The following ATL1 variants were observed in gnomAD, a reference collection of about 807,000 sequenced individuals.
The protein encoded by ATL1 is atlastin GTPase 1.
ATL1 carries 31 observed loss-of-function variants against 75.5 expected under a neutral mutation model. The observed-to-expected ratio is 0.41, with a 90% CI of 0.31 to 0.55. ATL1 has a LOEUF of 0.55. Ranked by LOEUF, ATL1 falls within the 20% of genes least tolerant of loss-of-function variation. ATL1 has a pLI of 0.27. For synonymous variants in ATL1, 226 were observed against 233.3 expected (o/e 0.97, Z 0.28); for missense variants, 405 against 662.6 (o/e 0.61, Z 4.27).
At chr14:50,533,873 A>G (rs1313456253) in intron 1 of ATL1, among the ~76,000 whole-genome samples, 1 of 152,246 alleles carries the variant, frequency 6.6e-6, no homozygotes, top group African/African-American at 2.4e-5. Context: ...CAGGGCATAT[A>G]TGTATTTTCT....
chr14:50,562,369 TTTTTCCC>T (rs2038857900), intron 1 of ATL1, among the ~76,000 whole-genome samples: 1 of 151,878 alleles, frequency 6.6e-6, no homozygotes, highest in Non-Finnish European at 1.5e-5. Context: ...GTAGTGGGAG[TTTTTCCC>T]TCTTGGGAAC....
intron 4 of ATL1, among the ~76,000 whole-genome samples, chr14:50,593,620 C>T (rs933793317): frequency 1.3e-5 from 2 of 152,126 alleles, no homozygotes; most frequent in African/African-American, 2.4e-5. Flanking sequence ...ATCTCCAGAG[C>T]AGGTGACTAC....
chr14:50,606,559 G>A (rs1422178640), intron 6 of ATL1, among the ~76,000 whole-genome samples: 1 of 152,000 alleles, frequency 6.6e-6, no homozygotes, highest in East Asian at 1.9e-4. Context: ...GCATTGAAAA[G>A]ACAGAGAGTG....
chr14:50,546,197 C>A (rs1191260843), intron 1 of ATL1, among the ~76,000 whole-genome samples: 1 of 152,064 alleles, frequency 6.6e-6, no homozygotes, highest in Non-Finnish European at 1.5e-5. Flanking sequence ...CTACTTTACC[C>A]CAAATTTTTG....
Position 50,546,382 on chromosome 14 carries a change from G to A in ATL1, c.-140+13015G>A, listed in dbSNP as rs191881012. Reference sequence around the variant, plus strand: ...AGGTACTGGGTGTGTGTGTGTGTGCGTGTGTGTGTGTGAGAGAGCATACAT... The same window carrying A: ...AGGTACTGGGTGTGTGTGTGTGTGCATGTGTGTGTGTGAGAGAGCATACAT... On this transcript the variant is annotated intron_variant, in intron 1 of 13. Transcript: ENST00000441560. Among the ~76,000 whole-genome samples the A allele has an allele frequency of 7.6e-4, 115 of 151,252 alleles. No individual in the cohort carries two copies. In the Middle Eastern group the frequency reaches 0.014, roughly 18 times the overall value.
rs578178098 is a variant in ATL1, at chr14:50,606,057, T to C, written c.631-7202T>C. ...GAGCAGAAGGAATTGAAGGGATGTATTGAGTGGTAAAAATAAAACTGAATG... is the reference window on the plus strand; with the variant it reads ...GAGCAGAAGGAATTGAAGGGATGTACTGAGTGGTAAAAATAAAACTGAATG... On this transcript the variant is annotated intron_variant, in intron 6 of 13. Coordinates refer to ENST00000358385, the MANE Select transcript of ATL1 (RefSeq NM_015915.5). 7.2e-5 allele frequency among the ~76,000 whole-genome samples: 11 copies of C among 152,118 alleles called. No homozygotes were observed. In the East Asian group the frequency reaches 1.9e-3, roughly 27 times the overall value.
intron 1 of ATL1, among the ~76,000 whole-genome samples, chr14:50,555,132 C>A (rs2038749777): frequency 6.6e-6 from 1 of 152,222 alleles, no homozygotes; most frequent in African/African-American, 2.4e-5. Flanking sequence ...ATATTCACTT[C>A]TTCCCTTTTA....
intron 9 of ATL1, 71 bp from the exon 10 acceptor site, chr14:50,621,772 T>A: frequency 3.2e-6 from 3 of 933,942 alleles, no homozygotes; most frequent in Non-Finnish European, 5.1e-6. Flanking sequence ...GAACTTAGAA[T>A]GCAATTTCAT....
chr14:50,613,090 T>A (rs549602529), intron 6 of ATL1, among the ~76,000 whole-genome samples, 169 bp from the exon 7 acceptor site: 9 of 152,276 alleles, frequency 5.9e-5, no homozygotes, highest in East Asian at 1.9e-4. Context: ...GATGATCTCA[T>A]AGGGGAGAGA....
intron 8 of ATL1, among the ~76,000 whole-genome samples, chr14:50,619,055 T>C (rs2039441871): frequency 6.7e-6 from 1 of 149,706 alleles, no homozygotes; most frequent in Non-Finnish European, 1.5e-5. Flanking sequence ...AATGTACAGC[T>C]AATTTTTTTT....
In ATL1 at chr14:50,624,772, TA is replaced by T. The variant is rs199640342; in HGVS notation, c.1119+1529del. ...CAAAGGAAGAGTTCTTAAAGGAAATTAAAAATGCAACTCCAGGCTGGGCCCA... is the reference window on the plus strand; with the variant it reads ...CAAAGGAAGAGTTCTTAAAGGAAATTAAAATGCAACTCCAGGCTGGGCCCA... On this transcript the variant is annotated intron_variant, in intron 11 of 13. Coordinates refer to ENST00000358385, the MANE Select transcript of ATL1 (RefSeq NM_015915.5). Among the ~76,000 whole-genome samples, 1,248 of 152,014 alleles carry T rather than the reference TA, an allele frequency of 8.2e-3. 30 individuals are homozygous for T. Among genetic ancestry groups the T allele is most frequent in the African/African-American group, 0.028 (1,166 of 41,516 alleles).
intron 1 of ATL1, among the ~76,000 whole-genome samples, chr14:50,580,661 T>C (rs1461197982): frequency 1.3e-5 from 2 of 152,188 alleles, no homozygotes; most frequent in Admixed American, 1.3e-4. Context: ...TACTGGCTTA[T>C]GATTTTCCTT....
At chr14:50,609,892 T>C (rs1039540168) in intron 6 of ATL1, among the ~76,000 whole-genome samples, 1 of 152,060 alleles carries the variant, frequency 6.6e-6, no homozygotes. Flanking sequence ...TTTTCTGGAT[T>C]TTTTTTGTTC....
chr14:50,615,686 G>T (rs915010281), intron 8 of ATL1, among the ~76,000 whole-genome samples: 8 of 152,162 alleles, frequency 5.3e-5, no homozygotes, highest in African/African-American at 1.9e-4. Flanking sequence ...CCCACTAGTG[G>T]ATGCAGAGAT....
chr14:50,613,435 T>G (rs2039385234), intron 7 of ATL1, 84 bp downstream of exon 7: 2 of 955,964 alleles, frequency 2.1e-6, no homozygotes, highest in South Asian at 2.7e-5. Context: ...AGATACTCAG[T>G]AGCCACTAGC....
At chr14:50,580,328 A>G (rs1316326831) in intron 1 of ATL1, among the ~76,000 whole-genome samples, 1 of 152,204 alleles carries the variant, frequency 6.6e-6, no homozygotes, top group Non-Finnish European at 1.5e-5. Flanking sequence ...ATGTAACATT[A>G]GCTATATTTG....
At chr14:50,617,562 T>C (rs1377247337) in intron 8 of ATL1, among the ~76,000 whole-genome samples, 2 of 152,218 alleles carry the variant, frequency 1.3e-5, no homozygotes, top group Non-Finnish European at 2.9e-5. Context: ...TGTTAATTTA[T>C]ACAGCAATAC....
chr14:50,585,821 C>A (rs1320133539), intron 1 of ATL1, among the ~76,000 whole-genome samples: 1 of 152,088 alleles, frequency 6.6e-6, no homozygotes, highest in African/African-American at 2.4e-5. Context: ...AATATAGAAG[C>A]TATTATCTTT....
chr14:50,537,699 AAGG>A (rs2038512370), intron 1 of ATL1, among the ~76,000 whole-genome samples: 1 of 152,246 alleles, frequency 6.6e-6, no homozygotes. Context: ...CATGGAGTCA[AAGG>A]AGATCATTTT....
Sources: allele counts gnomAD v4.1 joint callset (sites outside exome capture counted in the v4.1 genomes callset), GRCh38; gene constraint gnomAD v4.1.1; transcripts MANE v1.5; gene names NCBI Gene and HGNC (gene_info 2026-07-23, HGNC 2026-07-21).